ABCA1: variants seen among roughly 807,000 people sequenced by gnomAD.
ABCA1 encodes phospholipid-transporting ATPase ABCA1.
A neutral mutation model predicts 262.5 loss-of-function variants in ABCA1; 133 were observed. That is an observed-to-expected ratio of 0.51 (90% CI 0.44 to 0.59). The LOEUF is 0.59. ABCA1 is among the 20% of genes least tolerant of loss of function. The pLI, the probability that ABCA1 is intolerant of heterozygous loss-of-function variation, is 0.00. For synonymous variants in ABCA1, 1,022 were observed against 1,043.5 expected (o/e 0.98, Z 0.40); for missense variants, 2,452 against 2,777.5 (o/e 0.88, Z 2.63).
At chr9:104,799,400 ACACACACAC>A (rs1830151206) in intron 36 of ABCA1, 2 of 671,016 alleles carry the variant, frequency 3.0e-6, no homozygotes, top group East Asian at 4.3e-4. Context: ...AACTTCACAC[ACACACACAC>A]ACACACACAC....
In ABCA1 at chr9:104,818,830, C is replaced by A. The variant is rs28933692; in HGVS notation, c.3295G>T (p.Asp1099Tyr). 8.1e-6 allele frequency: 13 copies of A among 1,613,922 alleles called. No homozygotes were observed. The highest frequency in any genetic ancestry group is 1.1e-5 in the Non-Finnish European group (13 of 1,180,056). ...CCATGGGAGATGATGGCAATCCTGT[C>A]CCCCAGGACGTCCGCTTCATCCATG... The part of the protein sequence containing the change: ...HHMDEADVLG[D>Y]RIAIISHGKL... Residue 1099 changes from aspartate to tyrosine, a missense_variant, in exon 23 of 50, where the codon GAC becomes TAC. Asp to Tyr is a radical substitution (Grantham distance 160). This residue lies in a region of ABCA1 where 665 missense variants were observed against 727.3 expected (regional missense o/e 0.91). Transcript: ENST00000374736.
intron 14 of ABCA1, 110 bp from the exon 15 acceptor site, chr9:104,829,248 C>T: frequency 1.0e-6 from 1 of 992,110 alleles, no homozygotes; most frequent in South Asian, 1.4e-5. Flanking sequence ...ATCTGGGCCA[C>T]AGAAGGACAG....
rs1832824065 is a variant in ABCA1 at position 104,826,513 on chromosome 9, A to C, written c.2337+435T>G. 2.0e-5 allele frequency among the ~76,000 whole-genome samples: 3 copies of C among 152,234 alleles called. No individual in the cohort carries two copies. The South Asian group carries it at 6.2e-4, about 31-fold the overall frequency. ...TCAGAAAACATTACTCAAGCAAAAC[A>C]CCATACTGGACACAAGGAAGACAAG... is the stretch of plus-strand genomic sequence containing the variant. On this transcript the variant is annotated intron_variant, in intron 16 of 49. Transcript: ENST00000374736.
At chr9:104,894,154 T>C (rs1158655677) in intron 2 of ABCA1, among the ~76,000 whole-genome samples, 3 of 152,188 alleles carry the variant, frequency 2.0e-5, no homozygotes, top group Non-Finnish European at 2.9e-5. Flanking sequence ...GTTTAGGACA[T>C]ATACCTTTTA....
rs555975856 is a variant in ABCA1, at chr9:104,912,044, A to T, written c.-92-8273T>A. Among the ~76,000 whole-genome samples, 67 of 152,322 alleles carry T rather than the reference A, an allele frequency of 4.4e-4. No homozygotes were observed. In the South Asian group the frequency reaches 0.014, roughly 32 times the overall value. ...TTACTTGATTGTTAGTTACAATAAG[A>T]TAATAGGTAACTGTACTTCCTTCTT... On this transcript the variant is annotated intron_variant, in intron 1 of 49. Transcript: ENST00000374736.
chr9:104,825,447 T>C (rs553309417), intron 17 of ABCA1: 2 of 583,308 alleles, frequency 3.4e-6, no homozygotes, highest in Non-Finnish European at 6.1e-6. Flanking sequence ...AATGAAGCAA[T>C]GTGTATAAAA....
intron 6 of ABCA1, 110 bp downstream of exon 6, chr9:104,861,565 ACCTC>A: frequency 6.9e-7 from 1 of 1,439,118 alleles, no homozygotes; most frequent in Non-Finnish European, 9.7e-7. Flanking sequence ...TATTCAAACT[ACCTC>A]CCTCCCCTTC....
chr9:104,916,207 AT>A (rs1278160564), intron 1 of ABCA1, among the ~76,000 whole-genome samples: 2 of 152,172 alleles, frequency 1.3e-5, no homozygotes, highest in African/African-American at 2.4e-5. Flanking sequence ...TAAAAAAAAA[AT>A]AAAAATAAAA....
At chr9:104,827,989 T>C (rs779854885) in intron 15 of ABCA1, among the ~76,000 whole-genome samples, 19 of 152,268 alleles carry the variant, frequency 1.2e-4, no homozygotes, top group Non-Finnish European at 2.6e-4. Flanking sequence ...TTAGTTCTTA[T>C]CTCTTTGTAC....
chr9:104,887,029 G>A (rs564231888), intron 3 of ABCA1, among the ~76,000 whole-genome samples: 1 of 152,380 alleles, frequency 6.6e-6, no homozygotes, highest in African/African-American at 2.4e-5. Flanking sequence ...TGTAATCCCA[G>A]CACTTTGGGA....
At chr9:104,886,851 T>A (rs1839221258) in intron 3 of ABCA1, among the ~76,000 whole-genome samples, 1 of 152,116 alleles carries the variant, frequency 6.6e-6, no homozygotes, top group Non-Finnish European at 1.5e-5. Flanking sequence ...TGGGGAAGAT[T>A]TACAGAGAAT....
chr9:104,844,562 A>G (rs945766750), intron 8 of ABCA1, among the ~76,000 whole-genome samples: 5 of 151,354 alleles, frequency 3.3e-5, no homozygotes, highest in African/African-American at 1.2e-4. Context: ...TAGAAAACAT[A>G]AAGTTCGTTT....
chr9:104,843,506 G>A, intron 8 of ABCA1, among the ~76,000 whole-genome samples: 1 of 152,184 alleles, frequency 6.6e-6, no homozygotes, highest in Non-Finnish European at 1.5e-5. Flanking sequence ...CACAGGCTTT[G>A]GAATCCAACA....
rs1831134976 is a variant in ABCA1 at position 104,810,071 on chromosome 9, AAAATAAAGT to A, written c.4176-516_4176-508del. Among the ~76,000 whole-genome samples the A allele has an allele frequency of 2.0e-5, 3 of 151,416 alleles. No homozygotes were observed. The South Asian group carries it at 6.3e-4, about 32-fold the overall frequency. ...TACAGGGTCAGCAGCCGGAAAGGAAAAAATAAAGTAAACCTGAACTATGTAAGAAGAAAA... is the reference window on the plus strand; with the variant it reads ...TACAGGGTCAGCAGCCGGAAAGGAAAAAACCTGAACTATGTAAGAAGAAAA... On this transcript the variant is annotated intron_variant, in intron 29 of 49. Coordinates refer to ENST00000374736, the MANE Select transcript of ABCA1 (RefSeq NM_005502.4).
At position 104,796,403 on chromosome 9, in the gene ABCA1, T is replaced by C. The variant is rs1387396646; in HGVS notation, c.5143A>G (p.Thr1715Ala). Residue 1715 changes from threonine (T) to alanine (A), a missense_variant, in exon 38 of 50, where the codon ACA becomes GCA. Coordinates refer to ENST00000374736, the MANE Select transcript of ABCA1 (RefSeq NM_005502.4). ...CAGATGAAGATGATAATGACCAGTG[T>C]GGCAGGGACAACGTAATTGCACTAA... Reference protein sequence around the residue: ...WDMCNYVVPATLVIIIFICFQ... With the variant: ...WDMCNYVVPAALVIIIFICFQ... 2 of 1,614,020 alleles carry C rather than the reference T, an allele frequency of 1.2e-6. No individual in the cohort carries two copies. The highest frequency in any genetic ancestry group is 1.7e-6 in the Non-Finnish European group (2 of 1,180,020).
intron 9 of ABCA1, among the ~76,000 whole-genome samples, chr9:104,838,659 A>AT (rs1834063270): frequency 6.6e-6 from 1 of 152,016 alleles, no homozygotes; most frequent in South Asian, 2.1e-4. Context: ...ACAAACTAGT[A>AT]TATGTACACT....
chr9:104,893,291 G>A (rs921288975), intron 2 of ABCA1, among the ~76,000 whole-genome samples: 3 of 151,376 alleles, frequency 2.0e-5, no homozygotes, highest in Admixed American at 6.6e-5. Context: ...GCATGGTGGC[G>A]GGAGCCTGTA....
chr9:104,901,427 A>G (rs915004588), intron 2 of ABCA1, among the ~76,000 whole-genome samples: 3 of 152,160 alleles, frequency 2.0e-5, no homozygotes, highest in Non-Finnish European at 2.9e-5. Context: ...TGCCAACATG[A>G]TATGATTCTT....
chr9:104,804,812 T>C (rs1830627002), intron 31 of ABCA1, 92 bp from the exon 32 acceptor site: 2 of 1,137,574 alleles, frequency 1.8e-6, no homozygotes, highest in African/African-American at 3.0e-5. Context: ...ATGTCCACAG[T>C]GTGACCGGAA....
Sources: allele counts gnomAD v4.1 joint callset (sites outside exome capture counted in the v4.1 genomes callset), GRCh38; gene constraint gnomAD v4.1.1; regional missense constraint gnomAD v4.1.1; transcripts MANE v1.5; gene names NCBI Gene and HGNC (gene_info 2026-07-23, HGNC 2026-07-21).